Variants in AOPEP observed in about 807,000 individuals in gnomAD.
AOPEP encodes aminopeptidase O (putative).
In AOPEP, 77 loss-of-function variants were observed where a neutral mutation model predicts 98.1. The observed-to-expected ratio is 0.78, with a 90% CI of 0.65 to 0.95. AOPEP has a LOEUF of 0.95. Ranked by LOEUF, AOPEP falls within the 40% of genes least tolerant of loss-of-function variation. AOPEP has a pLI of 0.00. For missense variants in AOPEP, 1,024 were observed against 1,024.7 expected, an observed-to-expected ratio of 1.00 and a Z score of 0.01; for synonymous variants, 346 against 365.3, an observed-to-expected ratio of 0.95 and a Z score of 0.60.
At chr9:95,097,011 A>AG in the AOPEP span, among the ~76,000 whole-genome samples, 1 of 152,218 alleles carries the variant, frequency 6.6e-6, no homozygotes, top group African/African-American at 2.4e-5. Context: ...CACTGGTGGA[A>AG]GGGGTGCACC....
chr9:94,750,586 AAAAAC>A (rs986840042), intron 1 of AOPEP, among the ~76,000 whole-genome samples: 2 of 152,092 alleles, frequency 1.3e-5, no homozygotes, highest in Non-Finnish European at 2.9e-5. Context: ...TCCGTCTCAA[AAAAAC>A]AAAACAAAAC....
At chr9:94,831,166 A>G (rs954525174) in intron 5 of AOPEP, among the ~76,000 whole-genome samples, 2 of 152,130 alleles carry the variant, frequency 1.3e-5, no homozygotes, top group Non-Finnish European at 2.9e-5. Context: ...ATTTTCTTCT[A>G]GGATTTTTAT....
intron 13 of AOPEP, among the ~76,000 whole-genome samples, chr9:95,055,358 A>G (rs2066734026): frequency 6.6e-6 from 1 of 152,184 alleles, no homozygotes; most frequent in Non-Finnish European, 1.5e-5. Context: ...TTTTTGGATT[A>G]TGAGGAGGGA....
At chr9:95,117,310 C>T in the AOPEP span, 1 of 1,613,824 alleles carries the variant, frequency 6.2e-7, no homozygotes, top group Non-Finnish European at 8.5e-7. Context: ...TCAACCCTAA[C>T]TCACCTTGAG....
intron 5 of AOPEP, among the ~76,000 whole-genome samples, chr9:94,829,430 C>T (rs960370270): frequency 2.6e-5 from 4 of 152,118 alleles, no homozygotes; most frequent in South Asian, 2.1e-4. Context: ...AGTCATTCTT[C>T]CAAAAGCATC....
chr9:94,934,039 C>T (rs757252787), intron 7 of AOPEP, among the ~76,000 whole-genome samples: 27 of 152,140 alleles, frequency 1.8e-4, no homozygotes, highest in Non-Finnish European at 2.5e-4. Flanking sequence ...TGAGCCACTG[C>T]GCCCAGCCAT....
intron 11 of AOPEP, among the ~76,000 whole-genome samples, chr9:94,981,851 A>G (rs72750355): frequency 0.047 from 7,103 of 152,260 alleles, 460 homozygotes; most frequent in African/African-American, 0.14. Context: ...GTCATGTTCT[A>G]CTGGTGGAGT....
intron 11 of AOPEP, among the ~76,000 whole-genome samples, chr9:94,994,424 A>G (rs1478301776): frequency 1.3e-5 from 2 of 152,308 alleles, no homozygotes; most frequent in East Asian, 3.9e-4. Context: ...CTATATACTA[A>G]GTGCATTATA....
intron 5 of AOPEP, among the ~76,000 whole-genome samples, chr9:94,872,475 G>A (rs1316405387): frequency 1.3e-5 from 2 of 152,168 alleles, no homozygotes; most frequent in Admixed American, 6.5e-5. Context: ...AGTCCCACAT[G>A]ATTCTGGATC....
At chr9:94,953,112 A>G (rs2058221821) in intron 7 of AOPEP, among the ~76,000 whole-genome samples, 1 of 152,202 alleles carries the variant, frequency 6.6e-6, no homozygotes, top group African/African-American at 2.4e-5. Flanking sequence ...GTTTGAGTTC[A>G]GACTGACTCT....
At chr9:94,965,922 A>C (rs56403592) in intron 9 of AOPEP, among the ~76,000 whole-genome samples, 24 of 128,776 alleles carry the variant, frequency 1.9e-4, no homozygotes, top group East Asian at 4.7e-4. Context: ...GTCTGCAGTT[A>C]ACTGGGTGTC....
chr9:94,956,406 C>T (rs578131633), intron 9 of AOPEP, among the ~76,000 whole-genome samples: 15 of 152,324 alleles, frequency 9.8e-5, no homozygotes, highest in African/African-American at 2.9e-4. Context: ...CACCCCTTTG[C>T]CCTTTCCATT....
chr9:94,832,481 A>G (rs989560671), intron 5 of AOPEP, among the ~76,000 whole-genome samples: 1 of 152,222 alleles, frequency 6.6e-6, no homozygotes, highest in African/African-American at 2.4e-5. Flanking sequence ...AGGAGTTTAC[A>G]GTATCTAGCA....
At chr9:95,046,352 G>A (rs992410950) in intron 13 of AOPEP, among the ~76,000 whole-genome samples, 4 of 152,218 alleles carry the variant, frequency 2.6e-5, no homozygotes, top group African/African-American at 9.7e-5. Context: ...GAGCGATGAG[G>A]CTGATAGCGT....
chr9:95,028,723 G>A (rs928107545), intron 13 of AOPEP, among the ~76,000 whole-genome samples: 8 of 152,194 alleles, frequency 5.3e-5, no homozygotes, highest in Admixed American at 2.0e-4. Context: ...GATTCTCCAG[G>A]CAGCCCATTG....
intron 11 of AOPEP, among the ~76,000 whole-genome samples, chr9:94,985,111 C>A (rs2060435469): frequency 1.3e-5 from 2 of 152,242 alleles, no homozygotes; most frequent in Non-Finnish European, 2.9e-5. Flanking sequence ...TGCTCAGCCG[C>A]CAGTTCCTGG....
rs779302656 is a variant in AOPEP, at chr9:95,082,485, G to A, written c.2320-90G>A. The A allele has an allele frequency of 5.9e-4, 837 of 1,410,310 alleles. 1 individual carries two copies. Among genetic ancestry groups the A allele is most frequent in the Non-Finnish European group, 7.6e-4 (787 of 1,035,848 alleles). The allele number at this position is 1,410,310 out of a possible 1,614,324, so 87.4% of individuals were successfully genotyped here. ...TTGCAATTTCTAGACCAGCAAGTGT[G>A]TGTGGAACAAGCACAGACTGAGCTC... On this transcript the variant is annotated intron_variant, in intron 15 of 16. Coordinates refer to ENST00000375315, the MANE Select transcript of AOPEP (RefSeq NM_001193329.3).
chr9:95,031,566 G>A (rs1564547292), intron 13 of AOPEP, among the ~76,000 whole-genome samples: 1 of 152,208 alleles, frequency 6.6e-6, no homozygotes, highest in East Asian at 1.9e-4. Context: ...TGCCCCAGCA[G>A]TGGCCAACTG....
At chr9:95,075,656 A>G (rs7032542) in intron 14 of AOPEP, among the ~76,000 whole-genome samples, 2,380 of 152,322 alleles carry the variant, frequency 0.016, 62 homozygotes, top group African/African-American at 0.054. Flanking sequence ...TAAGGTGGGA[A>G]GATGGCTTGA....
Sources: gnomAD v4.1 joint callset for allele counts (sites outside exome capture counted in the v4.1 genomes callset) on GRCh38, gnomAD v4.1.1 for gene constraint, MANE v1.5 for transcripts, NCBI Gene and HGNC (gene_info 2026-07-23, HGNC 2026-07-21) for gene names.